AKAP13: variants seen among roughly 807,000 people sequenced by gnomAD.
AKAP13 encodes the protein A-kinase anchoring protein 13.
AKAP13 carries 80 observed loss-of-function variants against 264.5 expected under a neutral mutation model. That is an observed-to-expected ratio of 0.30 (90% CI 0.25 to 0.36). The LOEUF (loss-of-function observed/expected upper bound fraction) is 0.36, where lower values mean the gene tolerates loss of function less well. AKAP13 is among the 10% of genes least tolerant of loss of function. The pLI, the probability that AKAP13 is intolerant of heterozygous loss-of-function variation, is 1.00. For synonymous variants in AKAP13, 1,380 were observed against 1,250.2 expected (o/e 1.10, Z -2.19); for missense variants, 3,712 against 3,435.2 (o/e 1.08, Z -2.01).
chr15:85,568,630 C>G (rs1484822842), intron 5 of AKAP13, among the ~76,000 whole-genome samples: 1 of 152,206 alleles, frequency 6.6e-6, no homozygotes, highest in Non-Finnish European at 1.5e-5. Flanking sequence ...TATTCTGGCT[C>G]TGCTTATTAG....
At chr15:85,634,674 C>T (rs1389387347) in intron 8 of AKAP13, among the ~76,000 whole-genome samples, 4 of 152,108 alleles carry the variant, frequency 2.6e-5, no homozygotes, top group Admixed American at 1.3e-4. Flanking sequence ...ACTACCGCAT[C>T]ATAATAGGAA....
chr15:85,585,395 A>G (rs1391372973), intron 7 of AKAP13, among the ~76,000 whole-genome samples: 1 of 152,168 alleles, frequency 6.6e-6, no homozygotes, highest in Non-Finnish European at 1.5e-5. Flanking sequence ...TTCCATATGC[A>G]AGTTGGTGCT....
intron 10 of AKAP13, among the ~76,000 whole-genome samples, chr15:85,650,768 AAAAAAAAAAAAAAAAAAAAAAACAAC>A (rs1265473462): frequency 1.5e-5 from 2 of 137,454 alleles, no homozygotes; most frequent in Non-Finnish European, 3.2e-5. Context: ...AAAAAAAAAA[AAAAAAAAAAAAAAAAAAAAAAACAAC>A]AAAAACTGCA....
chr15:85,444,223 C>A (rs570103034), intron 1 of AKAP13, among the ~76,000 whole-genome samples: 1 of 152,198 alleles, frequency 6.6e-6, no homozygotes, highest in East Asian at 1.9e-4. Flanking sequence ...TATATTTATT[C>A]CTGACAGGTG....
chr15:85,464,939 A>G (rs867181333), intron 1 of AKAP13, among the ~76,000 whole-genome samples: 1 of 151,982 alleles, frequency 6.6e-6, no homozygotes, highest in African/African-American at 2.4e-5. Flanking sequence ...TTAGGCATTA[A>G]TTACTTTTTT....
At chr15:85,689,136 T>C (rs984423407) in intron 16 of AKAP13, among the ~76,000 whole-genome samples, 1 of 152,222 alleles carries the variant, frequency 6.6e-6, no homozygotes, top group African/African-American at 2.4e-5. Context: ...TGATTTGAAG[T>C]AGGTATTTTT....
chr15:85,685,417 A>G (rs2084843831), intron 16 of AKAP13: 1 of 152,248 alleles, frequency 6.6e-6, no homozygotes, highest in Non-Finnish European at 1.5e-5. Context: ...GAGCATTTGG[A>G]ATATATTCTC....
At chr15:85,730,730 C>G (rs374855494) in intron 30 of AKAP13, 23 bp downstream of exon 30, 2 of 1,590,612 alleles carry the variant, frequency 1.3e-6, no homozygotes, top group Non-Finnish European at 1.7e-6. Flanking sequence ...CAGCATTGCC[C>G]CCTCTTCATC....
rs10598092 is a variant in AKAP13, at chr15:85,562,691, C to CTT, written c.663-12420_663-12419dup. On this transcript the variant is annotated intron_variant, in intron 5 of 36. Transcript: ENST00000394518. The stretch of plus-strand genomic sequence containing the variant: ...CCTTTTCTTTCTTTTCTTTTCTTTT[C>CTT]TTTTTTTTTTTTTTTTTTTTTGAGA... 4.8e-4 allele frequency among the ~76,000 whole-genome samples: 48 copies of CTT among 100,514 alleles called. 2 individuals are homozygous for CTT. The highest frequency in any genetic ancestry group is 9.4e-4 in the African/African-American group (23 of 24,394). 65.9% of individuals were successfully genotyped at this position (100,514 alleles called of 152,430 possible).
rs2150848869 is a variant in AKAP13 at position 85,404,307 on chromosome 15, T to C, written c.-12+23509T>C. On this transcript the variant is annotated intron_variant, in intron 1 of 36. Transcript: ENST00000394518. Reference sequence around the variant, plus strand: ...CAGTTTTGGTCGTATCACTGCCCCATTTAAAAATAGTAGTTCCTCATTGCC... The same window carrying C: ...CAGTTTTGGTCGTATCACTGCCCCACTTAAAAATAGTAGTTCCTCATTGCC... Among the ~76,000 whole-genome samples the C allele has an allele frequency of 2.0e-5, 3 of 152,344 alleles. No individual in the cohort carries two copies. In the South Asian group the frequency reaches 6.2e-4, roughly 32 times the overall value.
At chr15:85,657,524 AT>A in intron 11 of AKAP13, among the ~76,000 whole-genome samples, 1 of 152,286 alleles carries the variant, frequency 6.6e-6, no homozygotes, top group East Asian at 1.9e-4. Context: ...AGTTTGCATC[AT>A]TTATCCAAGG....
intron 20 of AKAP13, 21 bp downstream of exon 20, chr15:85,715,944 A>G (rs1340224341): frequency 6.2e-7 from 1 of 1,606,502 alleles, no homozygotes; most frequent in Non-Finnish European, 8.5e-7. Flanking sequence ...ATATTTAAAG[A>G]TAGCACAGTT....
chr15:85,581,578 C>A lies in AKAP13; in HGVS notation c.3510C>A (p.Thr1170=), dbSNP rs116830115. 1.2e-6 allele frequency: 2 copies of A among 1,614,068 alleles called. No homozygotes were observed. The highest frequency in any genetic ancestry group is 1.3e-5 in the African/African-American group (1 of 74,910). Residue 1170 remains threonine, a synonymous_variant, in exon 7 of 37, where the codon ACC becomes ACA. Coordinates refer to ENST00000394518, the MANE Select transcript of AKAP13 (RefSeq NM_007200.5). ...GKLEGADHSC[T]MGDAEEAQID... is the part of the protein sequence containing the mutation. ...TGGAGGGAGCAGACCACAGCTGTAC[C>A]ATGGGTGACGCTGAGGAAGCCCAAA...
At chr15:85,528,986 C>G (rs570209877) in intron 3 of AKAP13, among the ~76,000 whole-genome samples, 32 of 152,230 alleles carry the variant, frequency 2.1e-4, no homozygotes, top group South Asian at 2.1e-3. Context: ...AGGAAAAACA[C>G]CATGGAACTA....
At chr15:85,498,590 A>ATCTGGTCAT (rs6145663) in intron 2 of AKAP13, among the ~76,000 whole-genome samples, 2,453 of 152,114 alleles carry the variant, frequency 0.016, 78 homozygotes, top group African/African-American at 0.056. Flanking sequence ...GGTTGATACT[A>ATCTGGTCAT]TTGAAGCTTG....
intron 26 of AKAP13, among the ~76,000 whole-genome samples, chr15:85,725,603 T>C (rs1027700802): frequency 6.6e-6 from 1 of 152,082 alleles, no homozygotes. Context: ...GAAGAAAAGG[T>C]GGGGCATGGA....
chr15:85,530,499 T>A (rs1421693649), intron 3 of AKAP13, among the ~76,000 whole-genome samples: 4 of 152,216 alleles, frequency 2.6e-5, no homozygotes, highest in African/African-American at 9.6e-5. Context: ...CTGTTTTACA[T>A]AGTGTAATCT....
chr15:85,581,555 G>C lies in AKAP13; in HGVS notation c.3487G>C (p.Glu1163Gln). 2 of 1,614,186 alleles carry C rather than the reference G, an allele frequency of 1.2e-6. No individual in the cohort carries two copies. Among genetic ancestry groups the C allele is most frequent in the South Asian group, 2.2e-5 (2 of 91,084 alleles). The change falls in exon 7 of 37, where the codon GAG (glutamate) becomes CAG (glutamine). Residue 1163 changes from glutamate (E) to glutamine (Q), a missense_variant. Coordinates refer to ENST00000394518, the MANE Select transcript of AKAP13 (RefSeq NM_007200.5). ...TCTTGATTGGGAGAAAGGGAAGCTG[G>C]AGGGAGCAGACCACAGCTGTACCAT... ...IPLDWEKGKL[E>Q]GADHSCTMGD...
chr15:85,616,582 T>G (rs1265895643), intron 8 of AKAP13, among the ~76,000 whole-genome samples: 2 of 152,212 alleles, frequency 1.3e-5, no homozygotes, highest in African/African-American at 4.8e-5. Flanking sequence ...TTAAGTAGTA[T>G]GGCTGTAAAT....
Sources: gnomAD v4.1 joint callset for allele counts (sites outside exome capture counted in the v4.1 genomes callset) on GRCh38, gnomAD v4.1.1 for gene constraint, MANE v1.5 for transcripts, NCBI Gene and HGNC (gene_info 2026-07-23, HGNC 2026-07-21) for gene names.